EYA1: variants seen among roughly 807,000 people sequenced by gnomAD.
EYA1 encodes the protein protein phosphatase EYA1.
EYA1 carries 16 observed loss-of-function variants against 82.0 expected under a neutral mutation model. That is an observed-to-expected ratio of 0.20 (90% confidence interval 0.13 to 0.30). The LOEUF (loss-of-function observed/expected upper bound fraction) is 0.30, where lower values mean the gene tolerates loss of function less well. Ranked by LOEUF, EYA1 falls within the 10% of genes least tolerant of loss-of-function variation. The pLI, the probability that EYA1 is intolerant of heterozygous loss-of-function variation, is 1.00. For missense variants in EYA1, 633 were observed against 730.7 expected (o/e 0.87, Z 1.54); for synonymous variants, 261 against 264.4 (o/e 0.99, Z 0.12).
At chr8:71,492,469 T>A (rs1322048220) in intron 2 of EYA1, among the ~76,000 whole-genome samples, 15 of 71,348 alleles carry the variant, frequency 2.1e-4, no homozygotes, top group African/African-American at 6.1e-4. Context: ...TTTATTATTA[T>A]TTTTTTTTTT....
chr8:71,398,442 G>GC (rs1829759575), intron 2 of EYA1, among the ~76,000 whole-genome samples: 1 of 152,082 alleles, frequency 6.6e-6, no homozygotes, highest in Non-Finnish European at 1.5e-5. Context: ...TCTACCTTTG[G>GC]TCTTTGATGT....
In EYA1 at chr8:71,440,063, C is replaced by T. The variant is rs73296370; in HGVS notation, c.34-83552G>A. Among the ~76,000 whole-genome samples the T allele has an allele frequency of 7.1e-3, 1,082 of 152,234 alleles. 18 individuals carry two copies. Among genetic ancestry groups the T allele is most frequent in the African/African-American group, 0.024 (997 of 41,528 alleles). On this transcript the variant is annotated intron_variant, in intron 2 of 18. Transcript: ENST00000643681. ...TAGAGATACTTGTGTGGGACTTTGA[C>T]GTGCTAGTGGACGTTTTCTATTAAG...
chr8:71,413,113 T>C (rs1407647671), intron 2 of EYA1, among the ~76,000 whole-genome samples: 1 of 152,154 alleles, frequency 6.6e-6, no homozygotes, highest in Non-Finnish European at 1.5e-5. Flanking sequence ...AACACATTAT[T>C]ATAAGGATGA....
intron 2 of EYA1, among the ~76,000 whole-genome samples, chr8:71,492,187 G>A (rs1811051117): frequency 6.6e-6 from 1 of 152,158 alleles, no homozygotes; most frequent in South Asian, 2.1e-4. Flanking sequence ...AATGGGCCTC[G>A]GTAACTGCCC....
At chr8:71,427,780 G>T (rs1012065481) in intron 2 of EYA1, among the ~76,000 whole-genome samples, 1 of 152,178 alleles carries the variant, frequency 6.6e-6, no homozygotes, top group Non-Finnish European at 1.5e-5. Context: ...AGCACTTGGG[G>T]AGGCTGAAGT....
chr8:71,296,631 GA>G (rs11324249), intron 9 of EYA1, among the ~76,000 whole-genome samples: 112,494 of 147,688 alleles, frequency 0.76, 42,756 homozygotes, highest in East Asian at 0.88. Context: ...AAAAGTAAAA[GA>G]AAAAAAAAAA....
rs181079947 is a variant in EYA1, at chr8:71,370,163, T to A, written c.34-13652A>T. Among the ~76,000 whole-genome samples, 412 of 152,128 alleles carry A rather than the reference T, an allele frequency of 2.7e-3. 4 individuals carry two copies. In the Middle Eastern group the frequency reaches 0.031, roughly 11 times the overall value. On this transcript the variant is annotated intron_variant, in intron 2 of 18. Coordinates refer to the EYA1 transcript ENST00000643681. ...ACCAAAATAAACAGAAAAATTAATTTAAAAATTTAAAACAGTACTCAATAG... is the reference window on the plus strand; with the variant it reads ...ACCAAAATAAACAGAAAAATTAATTAAAAAATTTAAAACAGTACTCAATAG...
At chr8:71,445,263 A>T (rs1373637499) in intron 2 of EYA1, among the ~76,000 whole-genome samples, 2 of 152,194 alleles carry the variant, frequency 1.3e-5, no homozygotes, top group East Asian at 3.8e-4. Flanking sequence ...TACTATACTG[A>T]ATGAGTTTTT....
At chr8:71,377,172 T>A (rs1371960786) in intron 2 of EYA1, among the ~76,000 whole-genome samples, 1 of 152,190 alleles carries the variant, frequency 6.6e-6, no homozygotes, top group African/African-American at 2.4e-5. Context: ...GCATGCATAC[T>A]GGAGGTTTTC....
chr8:71,395,294 G>C (rs188431800), intron 2 of EYA1, among the ~76,000 whole-genome samples: 2 of 152,104 alleles, frequency 1.3e-5, no homozygotes, highest in Non-Finnish European at 2.9e-5. Context: ...TCTTTCTCTT[G>C]CCTGATTGCC....
chr8:71,485,800 A>T lies in EYA1; in HGVS notation c.33+49944T>A, dbSNP rs901967465. Reference sequence around the variant, plus strand: ...AATGTTTCCAAAAGATTTGACATCCAAGTCAGGGATTTTTCACTGAGGTCC... The same window carrying T: ...AATGTTTCCAAAAGATTTGACATCCTAGTCAGGGATTTTTCACTGAGGTCC... On this transcript the variant is annotated intron_variant, in intron 2 of 18. Transcript: ENST00000643681. 2.6e-5 allele frequency among the ~76,000 whole-genome samples: 4 copies of T among 152,224 alleles called. 1 individual carries two copies. The highest frequency in any genetic ancestry group is 9.6e-5 in the African/African-American group (4 of 41,460).
intron 11 of EYA1, among the ~76,000 whole-genome samples, chr8:71,263,251 C>T (rs1038224599): frequency 2.0e-5 from 3 of 152,306 alleles, no homozygotes; most frequent in African/African-American, 7.2e-5. Flanking sequence ...GTGCCTGTCT[C>T]AGCCTAGCTT....
At chr8:71,261,492 A>C (rs1815102821) in intron 11 of EYA1, among the ~76,000 whole-genome samples, 1 of 152,156 alleles carries the variant, frequency 6.6e-6, no homozygotes, top group African/African-American at 2.4e-5. Context: ...AAAACCCTCA[A>C]ACTTGTGGTG....
chr8:71,420,942 T>C (rs1318058191), intron 2 of EYA1, among the ~76,000 whole-genome samples: 1 of 152,194 alleles, frequency 6.6e-6, no homozygotes, highest in Admixed American at 6.5e-5. Flanking sequence ...TAAAAACACT[T>C]AGACTAGGCA....
intron 9 of EYA1, 41 bp downstream of exon 9, chr8:71,299,006 G>A: frequency 6.3e-7 from 1 of 1,589,270 alleles, no homozygotes; most frequent in Non-Finnish European, 8.6e-7. Flanking sequence ...TGAAACCATT[G>A]AAAATATCAC....
At chr8:71,296,647 C>T (rs768963329) in intron 9 of EYA1, among the ~76,000 whole-genome samples, 12 of 151,210 alleles carry the variant, frequency 7.9e-5, no homozygotes, top group Non-Finnish European at 1.3e-4. Flanking sequence ...AAAAAAGACC[C>T]GAAATTATTC....
At chr8:71,521,788 C>T (rs1813417850) in intron 2 of EYA1, among the ~76,000 whole-genome samples, 1 of 152,134 alleles carries the variant, frequency 6.6e-6, no homozygotes, top group Non-Finnish European at 1.5e-5. Flanking sequence ...TCTCTCAAGG[C>T]TGCACGTTTT....
In EYA1 at chr8:71,518,048, T is replaced by A. The variant is rs571603732; in HGVS notation, c.33+17696A>T. On this transcript the variant is annotated intron_variant, in intron 2 of 18. Transcript: ENST00000643681. ...CTAACATATTACATATAATAAAATC[T>A]ACAAAAATATTTTTTTTCAAAAGGA... 1.3e-4 allele frequency among the ~76,000 whole-genome samples: 20 copies of A among 151,584 alleles called. No individual in the cohort carries two copies. The South Asian group carries it at 3.5e-3, about 27-fold the overall frequency.
intron 2 of EYA1, among the ~76,000 whole-genome samples, chr8:71,374,220 T>C (rs777067638): frequency 6.6e-6 from 1 of 152,102 alleles, no homozygotes; most frequent in African/African-American, 2.4e-5. Context: ...GGAGAAAATA[T>C]TTACAAACCA....
Sources: allele counts gnomAD v4.1 joint callset (sites outside exome capture counted in the v4.1 genomes callset), GRCh38; gene constraint gnomAD v4.1.1; transcripts MANE v1.5; gene names NCBI Gene and HGNC (gene_info 2026-07-23, HGNC 2026-07-21).